The following HEATR5B variants were observed in gnomAD, a reference collection of about 807,000 sequenced individuals.
HEATR5B encodes HEAT repeat-containing protein 5B.
In HEATR5B, 156 loss-of-function variants were observed where a neutral mutation model predicts 224.1. The ratio of observed to expected loss-of-function variants is 0.70; its 90% CI spans 0.61 to 0.80. The LOEUF is 0.80. Ranked by LOEUF, HEATR5B falls within the 30% of genes least tolerant of loss-of-function variation. The pLI is 0.00. For synonymous variants in HEATR5B, 1,027 were observed against 893.0 expected, an observed-to-expected ratio of 1.15 and a Z score of -2.68; for missense variants, 2,323 against 2,535.5, an observed-to-expected ratio of 0.92 and a Z score of 1.80.
At chr2:37,029,695 C>T (rs1029750807) in intron 22 of HEATR5B, among the ~76,000 whole-genome samples, 1 of 151,686 alleles carries the variant, frequency 6.6e-6, no homozygotes, top group East Asian at 1.9e-4. Context: ...AATCCCAGCA[C>T]ATTGGGGGGC....
chr2:36,983,483 G>C (rs1665721504), intron 35 of HEATR5B, among the ~76,000 whole-genome samples: 1 of 152,154 alleles, frequency 6.6e-6, no homozygotes, highest in East Asian at 1.9e-4. Context: ...AGGTTGTGGT[G>C]AGCCGAGATC....
At position 37,070,358 on chromosome 2, in the gene HEATR5B, A is replaced by G. The variant is rs759219441; in HGVS notation, c.799T>C (p.Phe267Leu). Reference sequence around the variant, plus strand: ...GCCATGAGTTCTAAGACTTCATCAAATGTTGCTCGCTTCACATTCTGACGC... The same window carrying G: ...GCCATGAGTTCTAAGACTTCATCAAGTGTTGCTCGCTTCACATTCTGACGC... ...VMRQNVKRATFDEVLELMATG... is the reference protein window; with the variant it reads ...VMRQNVKRATLDEVLELMATG... Residue 267 changes from phenylalanine to leucine, a missense_variant, in exon 7 of 36, where the codon TTT becomes CTT. Around this residue, in one of 12 missense-constraint regions of HEATR5B, gnomAD observed 292 missense variants for 332.6 expected, o/e 0.88. Coordinates refer to ENST00000233099, the MANE Select transcript of HEATR5B (RefSeq NM_019024.3). 2 of 1,613,948 alleles carry G rather than the reference A, an allele frequency of 1.2e-6. No homozygotes were observed. Among genetic ancestry groups the G allele is most frequent in the East Asian group, 4.5e-5 (2 of 44,890 alleles).
rs1372197590 is a variant in HEATR5B, at chr2:37,084,364, A to G, written c.-118T>C. The G allele has an allele frequency of 2.2e-5, 12 of 534,460 alleles. No homozygotes were observed. The highest frequency in any genetic ancestry group is 3.4e-5 in the Non-Finnish European group (12 of 350,818). The allele number at this position is 534,460 out of a possible 1,614,324, so 33.1% of individuals were successfully genotyped here. A position where few individuals can be genotyped will look rare whatever the true frequency, so the allele number is the denominator to read the frequency against. On this transcript the variant is annotated 5_prime_UTR_variant, in exon 1 of 36. Coordinates refer to ENST00000233099, the MANE Select transcript of HEATR5B (RefSeq NM_019024.3). Reference sequence around the variant, plus strand: ...CACCTCCCGCACTCCTACCTGCAGGAAACAAGGGAAGAGCGCTTGCGCGGA... The same window carrying G: ...CACCTCCCGCACTCCTACCTGCAGGGAACAAGGGAAGAGCGCTTGCGCGGA...
At chr2:37,039,340 C>T (rs968712807) in intron 20 of HEATR5B, among the ~76,000 whole-genome samples, 8 of 151,906 alleles carry the variant, frequency 5.3e-5, no homozygotes, top group Non-Finnish European at 7.4e-5. Flanking sequence ...GTGGCAGGCA[C>T]CTGTAATCCC....
chr2:37,041,072 G>T, intron 19 of HEATR5B, 61 bp downstream of exon 19: 1 of 1,352,426 alleles, frequency 7.4e-7, no homozygotes, highest in Non-Finnish European at 1.0e-6. Flanking sequence ...ATTTCATAGA[G>T]CAAATAATTT....
chr2:37,058,519 G>A lies in HEATR5B; in HGVS notation c.1991C>T (p.Ala664Val). ...TCTTAAACGGACCATTGCAGCACTA[G>A]CTTTCAGATGAGCTCCATGGGCTTT... ...VMKAHGAHLK[A>V]SAAMVRLRLY... Residue 664 changes from alanine to valine, a missense_variant, in exon 14 of 36, where the codon GCT (alanine) becomes GTT (valine). Ala to Val is a moderately conservative substitution (Grantham distance 64). Around this residue, in one of 12 missense-constraint regions of HEATR5B, gnomAD observed 502 missense variants for 517.8 expected, o/e 0.97. Transcript: ENST00000233099. 1 of 1,613,138 alleles carries A rather than the reference G, an allele frequency of 6.2e-7. No homozygotes were observed. Among genetic ancestry groups the A allele is most frequent in the South Asian group, 1.1e-5 (1 of 91,054 alleles).
chr2:36,984,200 C>CAAA (rs1208435239), intron 35 of HEATR5B, among the ~76,000 whole-genome samples: 6 of 29,016 alleles, frequency 2.1e-4, no homozygotes, highest in African/African-American at 6.5e-4. Context: ...AACTCTGTCT[C>CAAA]AAAAAAAAAA....
chr2:37,047,268 T>A (rs1286929044), intron 18 of HEATR5B, among the ~76,000 whole-genome samples: 1 of 152,122 alleles, frequency 6.6e-6, no homozygotes, highest in Non-Finnish European at 1.5e-5. Context: ...TATCCTTGGA[T>A]AAGTAATCTT....
chr2:37,081,952 C>G (rs897630020), intron 2 of HEATR5B, among the ~76,000 whole-genome samples: 48 of 149,684 alleles, frequency 3.2e-4, no homozygotes, highest in African/African-American at 1.2e-3. Context: ...ACAGTGAAGT[C>G]CAGTTTAAAA....
At chr2:37,026,769 T>C (rs987743525) in intron 24 of HEATR5B, among the ~76,000 whole-genome samples, 1 of 152,126 alleles carries the variant, frequency 6.6e-6, no homozygotes, top group East Asian at 1.9e-4. Flanking sequence ...ATATTCAGAG[T>C]CTCATTTTAT....
At chr2:37,040,192 C>T in intron 20 of HEATR5B, 137 bp downstream of exon 20, 1 of 670,294 alleles carries the variant, frequency 1.5e-6, no homozygotes, top group Non-Finnish European at 2.5e-6. Context: ...GAGTGCCAGG[C>T]TTTCAGTAAA....
At chr2:36,987,393 C>T (rs1454137590) in intron 35 of HEATR5B, among the ~76,000 whole-genome samples, 1 of 150,128 alleles carries the variant, frequency 6.7e-6, no homozygotes, top group African/African-American at 2.5e-5. Context: ...CGTGCCACCG[C>T]ACTCCAGCCT....
intron 21 of HEATR5B, among the ~76,000 whole-genome samples, chr2:37,034,151 T>C (rs141311599): frequency 0.033 from 4,958 of 150,994 alleles, 260 homozygotes; most frequent in African/African-American, 0.11. Context: ...GGACTACAGG[T>C]GCCCGCCACC....
At chr2:37,005,529 TA>T in intron 30 of HEATR5B, 102 bp downstream of exon 30, 2 of 1,048,136 alleles carry the variant, frequency 1.9e-6, no homozygotes, top group Non-Finnish European at 2.9e-6. Flanking sequence ...CATATCATGT[TA>T]AAATAGGATC....
chr2:37,045,877 T>G (rs1670158139), intron 18 of HEATR5B, among the ~76,000 whole-genome samples: 1 of 152,228 alleles, frequency 6.6e-6, no homozygotes, highest in Non-Finnish European at 1.5e-5. Context: ...CTATGCTGGC[T>G]GTTGTCCAAT....
At position 37,002,590 on chromosome 2, in the gene HEATR5B, T is replaced by G; in HGVS notation, c.5051-18A>C. ...ATCTTCATCTGAGGTAAAAGATAAT[T>G]TGGTGAAATTTCCAGCCAAAAAAAA... On this transcript the variant is annotated intron_variant, in intron 31 of 35. Transcript: ENST00000233099. The G allele has an allele frequency of 6.3e-7, 1 of 1,599,998 alleles. No individual in the cohort carries two copies. Among genetic ancestry groups the G allele is most frequent in the Non-Finnish European group, 8.5e-7 (1 of 1,171,990 alleles).
intron 21 of HEATR5B, among the ~76,000 whole-genome samples, chr2:37,033,097 T>C (rs1160904599): frequency 6.6e-6 from 1 of 152,040 alleles, no homozygotes; most frequent in Non-Finnish European, 1.5e-5. Context: ...GCCAGGCTGG[T>C]TTCGAACTCC....
intron 5 of HEATR5B, among the ~76,000 whole-genome samples, chr2:37,072,875 T>G (rs536146343): frequency 1.2e-4 from 19 of 152,284 alleles, no homozygotes; most frequent in African/African-American, 3.8e-4. Context: ...CCAATAAAAT[T>G]GACAACTTAG....
intron 22 of HEATR5B, among the ~76,000 whole-genome samples, chr2:37,032,013 T>C (rs902964552): frequency 2.0e-5 from 3 of 152,074 alleles, no homozygotes; most frequent in South Asian, 2.1e-4. Context: ...GAAGCAAAGA[T>C]CATCCTTTTG....
Sources: gnomAD v4.1 joint callset for allele counts (sites outside exome capture counted in the v4.1 genomes callset) on GRCh38, gnomAD v4.1.1 for gene constraint, gnomAD v4.1.1 regional missense constraint, MANE v1.5 for transcripts, NCBI Gene and HGNC (gene_info 2026-07-23, HGNC 2026-07-21) for gene names.